PICALM: variants seen among roughly 807,000 people sequenced by gnomAD.
PICALM encodes the protein phosphatidylinositol-binding clathrin assembly protein.
Under a neutral mutation model 80.5 loss-of-function variants are expected in PICALM, and 40 were observed. The observed-to-expected ratio is 0.50, with a 90% CI of 0.39 to 0.65. PICALM has a LOEUF of 0.65. Ranked by LOEUF, PICALM falls within the 30% of genes least tolerant of loss-of-function variation. The pLI is 0.00. For synonymous variants in PICALM, 288 were observed against 260.3 expected (o/e 1.11, Z -1.02); for missense variants, 676 against 778.9 (o/e 0.87, Z 1.57).
At chr11:86,029,955 T>A (rs1219098461) in intron 2 of PICALM, among the ~76,000 whole-genome samples, 1 of 152,182 alleles carries the variant, frequency 6.6e-6, no homozygotes, top group African/African-American at 2.4e-5. Context: ...TAATCACATT[T>A]CAGGTAACAC....
intron 1 of PICALM, among the ~76,000 whole-genome samples, chr11:86,062,426 G>A (rs1201151712): frequency 6.6e-6 from 1 of 151,854 alleles, no homozygotes; most frequent in East Asian, 1.9e-4. Flanking sequence ...GCTGAGGCAG[G>A]AGAATCCCTT....
intron 2 of PICALM, among the ~76,000 whole-genome samples, chr11:86,029,751 G>A: frequency 6.6e-6 from 1 of 152,178 alleles, no homozygotes; most frequent in East Asian, 1.9e-4. Context: ...TACACGCTTG[G>A]AATTCTTCAG....
chr11:85,982,088 CTTGT>C, intron 14 of PICALM, 85 bp from the exon 15 acceptor site: 1 of 1,206,308 alleles, frequency 8.3e-7, no homozygotes. Flanking sequence ...GCCTTTTCTC[CTTGT>C]TTATTCACTG....
At chr11:86,047,911 C>T (rs1403790867) in intron 1 of PICALM, among the ~76,000 whole-genome samples, 1 of 151,964 alleles carries the variant, frequency 6.6e-6, no homozygotes, top group East Asian at 1.9e-4. Flanking sequence ...ACCAGCCTGG[C>T]CAACATGGTG....
At chr11:85,975,592 C>CTTTTTTTTTTTTTTT in intron 18 of PICALM, among the ~76,000 whole-genome samples, 1 of 89,642 alleles carries the variant, frequency 1.1e-5, no homozygotes, top group Non-Finnish European at 2.0e-5. Context: ...TCTCAGCAGA[C>CTTTTTTTTTTTTTTT]TTTTTTTTTT....
intron 19 of PICALM, among the ~76,000 whole-genome samples, chr11:85,965,822 T>G (rs55910077): frequency 0.027 from 3,716 of 136,800 alleles, 100 homozygotes; most frequent in African/African-American, 0.1. Flanking sequence ...TTTGTTTTTT[T>G]TTTTTTTTTT....
intron 1 of PICALM, among the ~76,000 whole-genome samples, chr11:86,033,773 T>A (rs1565488838): frequency 6.6e-6 from 1 of 152,214 alleles, no homozygotes; most frequent in South Asian, 2.1e-4. Flanking sequence ...CCTAGAATAA[T>A]GCCTCAAACA....
At chr11:86,020,677 C>T (rs1409734095) in intron 4 of PICALM, among the ~76,000 whole-genome samples, 1 of 152,026 alleles carries the variant, frequency 6.6e-6, no homozygotes, top group African/African-American at 2.4e-5. Context: ...ACTCAATATC[C>T]ACATACAAAA....
In PICALM at chr11:85,957,260, C is replaced by G. The variant is rs914236260; in HGVS notation, c.*1786G>C. Among the ~76,000 whole-genome samples, 1 of 152,110 alleles carries G rather than the reference C, an allele frequency of 6.6e-6. No homozygotes were observed. The highest frequency in any genetic ancestry group is 1.5e-5 in the Non-Finnish European group (1 of 68,004). ...GACTACATTTTTTCTCCAATCACAGCAAATATTATGAGACACTTATCAATG... is the reference window on the plus strand; with the variant it reads ...GACTACATTTTTTCTCCAATCACAGGAAATATTATGAGACACTTATCAATG... On this transcript the variant is annotated 3_prime_UTR_variant, in exon 20 of 20. Transcript: ENST00000393346.
At chr11:86,061,846 A>G (rs2096371182) in intron 1 of PICALM, among the ~76,000 whole-genome samples, 1 of 152,242 alleles carries the variant, frequency 6.6e-6, no homozygotes, top group Non-Finnish European at 1.5e-5. Flanking sequence ...TGCCAAAACT[A>G]GGGAGCAACC....
At chr11:85,995,768 A>T (rs994927266) in intron 12 of PICALM, among the ~76,000 whole-genome samples, 1 of 152,214 alleles carries the variant, frequency 6.6e-6, no homozygotes, top group African/African-American at 2.4e-5. Context: ...AAATCAGAAC[A>T]TAACATTAGG....
intron 12 of PICALM, among the ~76,000 whole-genome samples, chr11:85,991,874 TGA>T (rs2094791342): frequency 1.3e-5 from 2 of 152,212 alleles, no homozygotes; most frequent in Admixed American, 1.3e-4. Context: ...TTCTTCTTTT[TGA>T]GAGTGGGTCT....
chr11:86,007,494 A>G (rs2095303243), intron 8 of PICALM, 48 bp downstream of exon 8: 3 of 1,078,454 alleles, frequency 2.8e-6, no homozygotes, highest in Non-Finnish European at 2.9e-6. Flanking sequence ...TACTCTTCAC[A>G]ACTTGTACAC....
chr11:86,063,550 T>A (rs2096400412), intron 1 of PICALM, among the ~76,000 whole-genome samples: 1 of 152,176 alleles, frequency 6.6e-6, no homozygotes, highest in African/African-American at 2.4e-5. Context: ...CACATACTGT[T>A]CAGAAACTTA....
Position 86,041,427 on chromosome 11 carries a change from C to T in PICALM, c.131-9816G>A, listed in dbSNP as rs558783495. Among the ~76,000 whole-genome samples, 27 of 152,226 alleles carry T rather than the reference C, an allele frequency of 1.8e-4. 1 individual carries two copies. The South Asian group carries it at 5.6e-3, about 32-fold the overall frequency. Reference sequence around the variant, plus strand: ...CTACCTCAATAAAAAGCCTCTACTTCAAGAACGGAACACAGAAGAGATTTT... The same window carrying T: ...CTACCTCAATAAAAAGCCTCTACTTTAAGAACGGAACACAGAAGAGATTTT... On this transcript the variant is annotated intron_variant, in intron 1 of 19. Coordinates refer to ENST00000393346, the MANE Select transcript of PICALM (RefSeq NM_007166.4).
chr11:85,970,193 A>G (rs2094053458), intron 19 of PICALM, among the ~76,000 whole-genome samples: 1 of 152,212 alleles, frequency 6.6e-6, no homozygotes, highest in South Asian at 2.1e-4. Context: ...GCTAGACTGG[A>G]TGGATGCCAG....
chr11:85,978,368 TCAA>T (rs978866366), intron 17 of PICALM: 8 of 241,048 alleles, frequency 3.3e-5, no homozygotes, highest in Non-Finnish European at 6.5e-5. Flanking sequence ...ATCAACAGTG[TCAA>T]CAGTGCAAAA....
rs1406725069 is a variant in PICALM at position 85,958,070 on chromosome 11, G to GA, written c.*975dup. The GA allele has an allele frequency of 4.4e-6, 1 of 225,308 alleles. No homozygotes were observed. The highest frequency in any genetic ancestry group is 8.8e-6 in the Non-Finnish European group (1 of 113,010). 14.0% of individuals were successfully genotyped at this position (225,308 alleles called of 1,614,324 possible). A position where few individuals can be genotyped will look rare whatever the true frequency, so the allele number is the denominator to read the frequency against. ...CTTCTAGAGTTTTAGTGAAAAGAAG[G>GA]AAAGTCTTGAAGTGAAAGCAATTCC... On this transcript the variant is annotated 3_prime_UTR_variant, in exon 20 of 20. Coordinates refer to ENST00000393346, the MANE Select transcript of PICALM (RefSeq NM_007166.4).
chr11:85,967,453 T>C (rs1036937178), intron 19 of PICALM, among the ~76,000 whole-genome samples: 1 of 152,200 alleles, frequency 6.6e-6, no homozygotes, highest in Non-Finnish European at 1.5e-5. Context: ...TTGTTAGCAA[T>C]AGTGATCAGC....
Sources: gnomAD v4.1 joint callset for allele counts (sites outside exome capture counted in the v4.1 genomes callset) on GRCh38, gnomAD v4.1.1 for gene constraint, MANE v1.5 for transcripts, NCBI Gene and HGNC (gene_info 2026-07-23, HGNC 2026-07-21) for gene names.